Variants in ATL1 observed in about 807,000 individuals in gnomAD.
ATL1 encodes the protein atlastin-1.
Under a neutral mutation model 75.5 loss-of-function variants are expected in ATL1, and 31 were observed. That is an observed-to-expected ratio of 0.41 (90% CI 0.31 to 0.55). The LOEUF (loss-of-function observed/expected upper bound fraction) is 0.55. Among genes scored for constraint, ATL1 ranks in the 20% least tolerant of loss-of-function variants. The probability of loss-of-function intolerance (pLI) is 0.27; values close to 1 mark genes in which losing one functional copy is unlikely to be tolerated. For synonymous variants in ATL1, 226 were observed against 233.3 expected, an observed-to-expected ratio of 0.97 and a Z score of 0.28; for missense variants, 405 against 662.6, an observed-to-expected ratio of 0.61 and a Z score of 4.27.
Position 50,632,727 on chromosome 14 carries a change from T to G in ATL1, c.*388T>G, listed in dbSNP as rs892779675. 2.4e-5 allele frequency: 5 copies of G among 210,272 alleles called. No homozygotes were observed. The Admixed American group carries it at 2.6e-4, about 11-fold the overall frequency. The allele number at this position is 210,272 out of a possible 1,614,324, so 13.0% of individuals were successfully genotyped here. On this transcript the variant is annotated 3_prime_UTR_variant, in exon 14 of 14. Transcript: ENST00000358385. Reference sequence around the variant, plus strand: ...AGAAAAAATTTTAAATTATTTCACATTAGCCATTTGTTAAAACACAGCATC... The same window carrying G: ...AGAAAAAATTTTAAATTATTTCACAGTAGCCATTTGTTAAAACACAGCATC...
intron 3 of ATL1, 77 bp downstream of exon 3, chr14:50,591,152 A>C: frequency 7.0e-7 from 1 of 1,436,334 alleles, no homozygotes; most frequent in Non-Finnish European, 9.6e-7. Context: ...TTGAAGTTGC[A>C]CTTTTGAAAA....
At position 50,593,807 on chromosome 14, in the gene ATL1, C is replaced by G. The variant is rs897087751; in HGVS notation, c.523-39C>G. On this transcript the variant is annotated intron_variant, in intron 4 of 13. Coordinates refer to ENST00000358385, the MANE Select transcript of ATL1 (RefSeq NM_015915.5). ...GATGAAGTAAGTGCTTAGGATGATG[C>G]CAGTTATCTTATCATTGTAATTTTA... 4.5e-6 allele frequency: 6 copies of G among 1,341,670 alleles called. No individual in the cohort carries two copies. In the East Asian group the frequency reaches 1.2e-4, roughly 26 times the overall value. 83.1% of individuals were successfully genotyped at this position (1,341,670 alleles called of 1,614,324 possible). A position where few individuals can be genotyped will look rare whatever the true frequency, so the allele number is the denominator to read the frequency against.
At chr14:50,553,154 T>C (rs1190788010) in intron 1 of ATL1, among the ~76,000 whole-genome samples, 3 of 150,766 alleles carry the variant, frequency 2.0e-5, no homozygotes, top group Admixed American at 1.3e-4. Flanking sequence ...AAAATAGCCA[T>C]GCATGGTGGT....
chr14:50,612,766 AT>A (rs1371207631), intron 6 of ATL1, among the ~76,000 whole-genome samples: 2 of 152,016 alleles, frequency 1.3e-5, no homozygotes, highest in Non-Finnish European at 2.9e-5. Flanking sequence ...TGTGGGGTGC[AT>A]TTTTAAATTT....
At chr14:50,550,710 A>G (rs2038692006) in intron 1 of ATL1, among the ~76,000 whole-genome samples, 1 of 152,266 alleles carries the variant, frequency 6.6e-6, no homozygotes, top group Non-Finnish European at 1.5e-5. Flanking sequence ...TTCTCAGACC[A>G]CAGTGAAATA....
chr14:50,558,294 G>A (rs2038789672), upstream of ATL1, among the ~76,000 whole-genome samples: 1 of 152,214 alleles, frequency 6.6e-6, no homozygotes, highest in Admixed American at 6.5e-5. Flanking sequence ...GGGAGGTGGA[G>A]GTTGTAGTGA....
chr14:50,572,744 C>T (rs1438540665), intron 1 of ATL1, among the ~76,000 whole-genome samples: 1 of 152,066 alleles, frequency 6.6e-6, no homozygotes, highest in Non-Finnish European at 1.5e-5. Context: ...TTCTACATAA[C>T]AATTTTGCTC....
At chr14:50,592,639 C>T (rs1280428251) in intron 4 of ATL1, among the ~76,000 whole-genome samples, 4 of 151,852 alleles carry the variant, frequency 2.6e-5, no homozygotes, top group African/African-American at 7.3e-5. Flanking sequence ...TGGCCAGGCA[C>T]GGTGGCTCAC....
chr14:50,581,797 A>G (rs1266307295), intron 1 of ATL1, among the ~76,000 whole-genome samples: 1 of 152,208 alleles, frequency 6.6e-6, no homozygotes, highest in Non-Finnish European at 1.5e-5. Flanking sequence ...TTCTATAATT[A>G]CTAGATGTCA....
chr14:50,586,567 G>A (rs1426498550), intron 1 of ATL1, among the ~76,000 whole-genome samples: 1 of 152,126 alleles, frequency 6.6e-6, no homozygotes, highest in Non-Finnish European at 1.5e-5. Context: ...ATTATTGAGG[G>A]TTTCTTTGAG....
At chr14:50,605,176 A>ATT in intron 6 of ATL1, among the ~76,000 whole-genome samples, 1 of 145,934 alleles carries the variant, frequency 6.9e-6, no homozygotes, top group South Asian at 2.2e-4. Flanking sequence ...AAGATTCTTC[A>ATT]TTTTTTTTTT....
rs35475571 is a variant in ATL1, at chr14:50,592,542, TA to T, written c.522+913del. Among the ~76,000 whole-genome samples, 610 of 149,226 alleles carry T rather than the reference TA, an allele frequency of 4.1e-3. 4 individuals are homozygous for T. Among genetic ancestry groups the T allele is most frequent in the Admixed American group, 0.011 (167 of 15,026 alleles). ...ATAAAGGACTTTAAAGTAAAAGTCA[TA>T]AAAAAAAAAGTCATGGTTATAACCT... On this transcript the variant is annotated intron_variant, in intron 4 of 13. Coordinates refer to ENST00000358385, the MANE Select transcript of ATL1 (RefSeq NM_015915.5).
At position 50,609,999 on chromosome 14, in the gene ATL1, G is replaced by C. The variant is rs545387362; in HGVS notation, c.631-3260G>C. Among the ~76,000 whole-genome samples, 7 of 151,800 alleles carry C rather than the reference G, an allele frequency of 4.6e-5. No homozygotes were observed. The East Asian group carries it at 1.4e-3, about 29-fold the overall frequency. On this transcript the variant is annotated intron_variant, in intron 6 of 13. Coordinates refer to ENST00000358385, the MANE Select transcript of ATL1 (RefSeq NM_015915.5). ...AATTCTGCATTCTTTTTCTTACAGA[G>C]GTTTTCCTCTGCCCCACTCTGCCCC...
rs762457358 is a variant in ATL1 at position 50,628,019 on chromosome 14, T to C, written c.1120-12T>C. 1.9e-6 allele frequency: 3 copies of C among 1,614,034 alleles called. No individual in the cohort carries two copies. The South Asian group carries it at 3.3e-5, about 18-fold the overall frequency. On this transcript the variant is annotated splice_polypyrimidine_tract_variant and intron_variant, in intron 11 of 13. Coordinates refer to ENST00000358385, the MANE Select transcript of ATL1 (RefSeq NM_015915.5). ...TGCATTGCATAAACAAATACTTCTC[T>C]ATCTGATACAGATTTGTGGTGGTGA...
rs945794235 is a variant in ATL1 at position 50,561,876 on chromosome 14, T to C, written c.34+1577T>C. On this transcript the variant is annotated intron_variant, in intron 1 of 13. Transcript: ENST00000358385. ...TCTTGGCCTCTAGAATAGGAATTTA[T>C]TGAACACACACAATTAGGGTGCGTA... 2.0e-5 allele frequency among the ~76,000 whole-genome samples: 3 copies of C among 152,198 alleles called. No individual in the cohort carries two copies. In the East Asian group the frequency reaches 5.8e-4, roughly 29 times the overall value.
rs149031604 is a variant in ATL1, at chr14:50,591,557, C to T, written c.440C>T (p.Thr147Ile). ...GKKVAVLLMD[T>I]QGTFDSQSTL... The stretch of plus-strand genomic sequence containing the variant: ...TAGGTTGCAGTGTTATTGATGGATA[C>T]TCAGGGAACCTTTGATAGTCAGTCA... Residue 147 changes from threonine (T) to isoleucine (I), a missense_variant, in exon 4 of 14, where the codon ACT (threonine) becomes ATT (isoleucine). Thr to Ile is a moderately conservative substitution (Grantham distance 89). Around this residue, in one of 5 missense-constraint regions of ATL1, gnomAD observed 126 missense variants for 172.0 expected, o/e 0.73. Coordinates refer to ENST00000358385, the MANE Select transcript of ATL1 (RefSeq NM_015915.5). 2 of 1,613,478 alleles carry T rather than the reference C, an allele frequency of 1.2e-6. No individual in the cohort carries two copies. The highest frequency in any genetic ancestry group is 1.7e-6 in the Non-Finnish European group (2 of 1,179,642).
intron 9 of ATL1, among the ~76,000 whole-genome samples, chr14:50,621,044 G>A (rs1263077835): frequency 1.3e-5 from 2 of 152,104 alleles, no homozygotes; most frequent in Non-Finnish European, 2.9e-5. Flanking sequence ...AGGGTCCATG[G>A]TCTATTCTGA....
chr14:50,539,047 C>T (rs1339301173), intron 1 of ATL1, among the ~76,000 whole-genome samples: 5 of 152,066 alleles, frequency 3.3e-5, no homozygotes, highest in South Asian at 2.1e-4. Context: ...CCCAGAAACC[C>T]GATTGATAAA....
chr14:50,572,156 G>T, intron 1 of ATL1: 3 of 353,088 alleles, frequency 8.5e-6, no homozygotes, highest in Admixed American at 3.8e-5. Flanking sequence ...CTTTTCCGTG[G>T]GCTTACAGAT....
Sources: allele counts gnomAD v4.1 joint callset (sites outside exome capture counted in the v4.1 genomes callset), GRCh38; gene constraint gnomAD v4.1.1; regional missense constraint gnomAD v4.1.1; transcripts MANE v1.5; gene names NCBI Gene and HGNC (gene_info 2026-07-23, HGNC 2026-07-21).